Variants in ZNF609 observed in about 807,000 individuals in gnomAD.
The protein encoded by ZNF609 is zinc finger protein 609.
In ZNF609, 11 loss-of-function variants were observed where a neutral mutation model predicts 109.5. The observed-to-expected ratio is 0.10, with a 90% CI of 0.06 to 0.17. ZNF609 has a LOEUF of 0.17. Among genes scored for constraint, ZNF609 ranks in the 10% least tolerant of loss-of-function variants. The probability of loss-of-function intolerance (pLI) is 1.00; values close to 1 mark genes in which losing one functional copy is unlikely to be tolerated. For missense variants in ZNF609, 1,559 were observed against 1,772.4 expected (o/e 0.88, Z 2.16); for synonymous variants, 646 against 662.0 (o/e 0.98, Z 0.37).
intron 1 of ZNF609, among the ~76,000 whole-genome samples, chr15:64,495,086 G>GT (rs1302562361): frequency 1.5e-5 from 2 of 135,920 alleles, no homozygotes; most frequent in Non-Finnish European, 3.2e-5. Context: ...TGTAATGGCA[G>GT]TATCACTTGC....
At chr15:64,586,229 G>A (rs1895193361) in intron 2 of ZNF609, among the ~76,000 whole-genome samples, 1 of 152,028 alleles carries the variant, frequency 6.6e-6, no homozygotes, top group African/African-American at 2.4e-5. Context: ...GGGAGGCTGA[G>A]GCAGGAGAAT....
At chr15:64,495,937 G>A (rs1038952525) in intron 1 of ZNF609, among the ~76,000 whole-genome samples, 2 of 151,510 alleles carry the variant, frequency 1.3e-5, no homozygotes, top group Non-Finnish European at 2.9e-5. Context: ...TCATGCCTCA[G>A]CCTCCCAAGT....
intron 3 of ZNF609, among the ~76,000 whole-genome samples, chr15:64,634,333 G>C (rs1404164503): frequency 1.3e-5 from 2 of 152,110 alleles, no homozygotes; most frequent in Non-Finnish European, 2.9e-5. Flanking sequence ...CAGGAAGTTA[G>C]TCTGCCTGTG....
At chr15:64,627,663 C>CTTTTTT (rs35293725) in intron 3 of ZNF609, among the ~76,000 whole-genome samples, 1,715 of 85,758 alleles carry the variant, frequency 0.02, 12 homozygotes, top group Non-Finnish European at 0.027. Flanking sequence ...TTTTTTCTTT[C>CTTTTTT]TTTTTTTTTT....
At chr15:64,517,857 A>G (rs1893836685) in intron 2 of ZNF609, among the ~76,000 whole-genome samples, 2 of 151,984 alleles carry the variant, frequency 1.3e-5, no homozygotes. Flanking sequence ...TTGGCCCACT[A>G]TAACCTCTGC....
chr15:64,497,399 C>G (rs1005115791), intron 1 of ZNF609, among the ~76,000 whole-genome samples: 58 of 152,172 alleles, frequency 3.8e-4, no homozygotes, highest in African/African-American at 1.3e-3. Context: ...TCACCTGGCT[C>G]CCCTCCTTTG....
intron 2 of ZNF609, among the ~76,000 whole-genome samples, chr15:64,524,424 C>T (rs908302967): frequency 7.2e-5 from 11 of 152,170 alleles, no homozygotes; most frequent in Non-Finnish European, 1.2e-4. Context: ...ATTAGCTGGG[C>T]GTGGTGGCAC....
chr15:64,494,648 C>A (rs1176425363), intron 1 of ZNF609, among the ~76,000 whole-genome samples: 1 of 152,092 alleles, frequency 6.6e-6, no homozygotes, highest in African/African-American at 2.4e-5. Flanking sequence ...CCTCAGCCTC[C>A]CAAGTAGCTG....
chr15:64,517,031 A>T (rs1246758861), intron 2 of ZNF609, among the ~76,000 whole-genome samples: 3 of 152,176 alleles, frequency 2.0e-5, no homozygotes, highest in Non-Finnish European at 4.4e-5. Flanking sequence ...TCCTTATTTA[A>T]TTGCGAGTTT....
intron 2 of ZNF609, among the ~76,000 whole-genome samples, chr15:64,577,545 G>GTA (rs1297179680): frequency 4.8e-5 from 2 of 41,926 alleles, no homozygotes; most frequent in South Asian, 5.0e-4. Context: ...ACATATATAT[G>GTA]TATATATATA....
intron 2 of ZNF609, among the ~76,000 whole-genome samples, chr15:64,508,076 G>A (rs1893662878): frequency 6.6e-6 from 1 of 152,088 alleles, no homozygotes; most frequent in African/African-American, 2.4e-5. Context: ...CTGGGTAAGA[G>A]CAATAGCTCT....
intron 2 of ZNF609, among the ~76,000 whole-genome samples, chr15:64,531,260 G>A (rs907018518): frequency 1.3e-5 from 2 of 152,032 alleles, no homozygotes; most frequent in African/African-American, 2.4e-5. Context: ...CCCTAATTTT[G>A]GCCAGCTATT....
intron 2 of ZNF609, among the ~76,000 whole-genome samples, chr15:64,613,921 T>A (rs918110981): frequency 4.2e-4 from 64 of 151,368 alleles, no homozygotes; most frequent in African/African-American, 1.5e-3. Flanking sequence ...ATTGAAGATT[T>A]TTTTTTTTCT....
At chr15:64,538,746 A>G (rs1038071641) in intron 2 of ZNF609, among the ~76,000 whole-genome samples, 2 of 151,886 alleles carry the variant, frequency 1.3e-5, no homozygotes, top group African/African-American at 2.4e-5. Flanking sequence ...GGGTTTCTCC[A>G]TGTTAGTCAG....
intron 2 of ZNF609, among the ~76,000 whole-genome samples, chr15:64,551,667 AAG>A (rs935453127): frequency 6.7e-6 from 1 of 149,076 alleles, no homozygotes; most frequent in Non-Finnish European, 1.5e-5. Flanking sequence ...AAAAAAAAAA[AAG>A]AGAGAAAAGT....
chr15:64,670,367 C>T lies in ZNF609; in HGVS notation c.995C>T (p.Thr332Met), dbSNP rs1725794373. The change falls in exon 4 of 10, where the codon ACG (threonine) becomes ATG (methionine). Residue 332 changes from threonine to methionine, a missense_variant. Coordinates refer to ENST00000326648, the MANE Select transcript of ZNF609 (RefSeq NM_015042.2). ...TEDGMLVVNV[T>M]WRNKTYVGTL... ...CCAGGGATGTTGGTGGTAAATGTAACGTGGAGGAACAAGACATATGTAGGT... is the reference window on the plus strand; with the variant it reads ...CCAGGGATGTTGGTGGTAAATGTAATGTGGAGGAACAAGACATATGTAGGT... 4 of 1,614,016 alleles carry T rather than the reference C, an allele frequency of 2.5e-6. No individual in the cohort carries two copies. The highest frequency in any genetic ancestry group is 1.3e-5 in the African/African-American group (1 of 75,004).
At chr15:64,592,086 G>A (rs1364322978) in intron 2 of ZNF609, among the ~76,000 whole-genome samples, 1 of 151,718 alleles carries the variant, frequency 6.6e-6, no homozygotes, top group African/African-American at 2.4e-5. Context: ...GATCACTGGA[G>A]CTCTGGGGGT....
At chr15:64,563,543 G>T (rs527633516) in intron 2 of ZNF609, among the ~76,000 whole-genome samples, 1 of 152,098 alleles carries the variant, frequency 6.6e-6, no homozygotes, top group African/African-American at 2.4e-5. Context: ...TGGGGAGGCC[G>T]AGGTGGGTGG....
intron 2 of ZNF609, among the ~76,000 whole-genome samples, chr15:64,594,651 A>G (rs1895359835): frequency 6.6e-6 from 1 of 151,878 alleles, no homozygotes; most frequent in South Asian, 2.1e-4. Context: ...AAATGTAAAG[A>G]TTTTGAGGGC....
Sources: gnomAD v4.1 joint callset for allele counts (sites outside exome capture counted in the v4.1 genomes callset) on GRCh38, gnomAD v4.1.1 for gene constraint, MANE v1.5 for transcripts, NCBI Gene and HGNC (gene_info 2026-07-23, HGNC 2026-07-21) for gene names.